The following ZNF596 variants were observed in gnomAD, a reference collection of about 807,000 sequenced individuals.
The protein encoded by ZNF596 is zinc finger protein 596.
A neutral mutation model predicts 48.3 loss-of-function variants in ZNF596; 45 were observed. The ratio of observed to expected loss-of-function variants is 0.93; its 90% CI spans 0.73 to 1.19. The LOEUF is 1.19. ZNF596 is among the 50% of genes most tolerant of loss of function. The pLI, the probability that ZNF596 is intolerant of heterozygous loss-of-function variation, is 0.00. For synonymous variants in ZNF596, 270 were observed against 202.0 expected (o/e 1.34, Z -2.85); for missense variants, 848 against 599.7 (o/e 1.41, Z -4.32).
intron 3 of ZNF596, chr8:243,492 T>C (rs1796935674): frequency 4.6e-6 from 2 of 430,792 alleles, no homozygotes; most frequent in Admixed American, 4.0e-5. Context: ...GAAATCAGTA[T>C]TTGAAGTGAG....
At chr8:242,157 G>T (rs1261526775) in intron 2 of ZNF596, among the ~76,000 whole-genome samples, 2 of 152,312 alleles carry the variant, frequency 1.3e-5, no homozygotes, top group East Asian at 3.9e-4. Context: ...ACCATGGAAA[G>T]TGGCAGGATG....
intron 1 of ZNF596, among the ~76,000 whole-genome samples, chr8:238,974 G>C (rs1336371281): frequency 6.6e-6 from 1 of 151,916 alleles, no homozygotes; most frequent in Non-Finnish European, 1.5e-5. Context: ...CATAATAAAA[G>C]AATCAAATAT....
Position 246,308 on chromosome 8 carries a change from T to G in ZNF596, c.1461T>G (p.Phe487Leu), listed in dbSNP as rs1219745856. The change falls in exon 6 of 6, where the codon TTT (phenylalanine) becomes TTG (leucine). Residue 487 changes from phenylalanine to leucine, a missense_variant. Phe to Leu is a conservative substitution (Grantham distance 22). Coordinates refer to ENST00000398612, the MANE Select transcript of ZNF596 (RefSeq NM_001042416.3). The part of the protein sequence containing the change: ...CPLCGKAFSK[F>L]FNLRQHERTH... ...TATGTGGGAAAGCCTTTAGTAAATTTTTTAACCTTAGACAACATGAGAGAA... is the reference window on the plus strand; with the variant it reads ...TATGTGGGAAAGCCTTTAGTAAATTGTTTAACCTTAGACAACATGAGAGAA... 6.2e-7 allele frequency: 1 copy of G among 1,606,352 alleles called. No individual in the cohort carries two copies. The highest frequency in any genetic ancestry group is 1.3e-5 in the African/African-American group (1 of 74,314).
chr8:246,606 C>T lies in ZNF596; in HGVS notation c.*244C>T, dbSNP rs2117125282. The T allele has an allele frequency of 7.6e-6, 3 of 393,398 alleles. No homozygotes were observed. The East Asian group carries it at 1.3e-4, about 16-fold the overall frequency. The allele number at this position is 393,398 out of a possible 1,614,324, so 24.4% of individuals were successfully genotyped here. A position where few individuals can be genotyped will look rare whatever the true frequency, so the allele number is the denominator to read the frequency against. ...GATCAAAGGAATGTGGAGGAGTCTT[C>T]ATCCACAGCTCTGTTAAATAAATGG... On this transcript the variant is annotated 3_prime_UTR_variant, in exon 6 of 6. Coordinates refer to ENST00000398612, the MANE Select transcript of ZNF596 (RefSeq NM_001042416.3).
intron 1 of ZNF596, among the ~76,000 whole-genome samples, chr8:235,715 A>T (rs1247443929): frequency 5.9e-5 from 9 of 152,180 alleles, no homozygotes; most frequent in Admixed American, 5.9e-4. Flanking sequence ...TGAAACCAAA[A>T]TCCTTCCTTC....
intron 5 of ZNF596, 106 bp from the exon 6 acceptor site, chr8:245,048 C>CT: frequency 7.5e-7 from 1 of 1,324,508 alleles, no homozygotes; most frequent in African/African-American, 1.5e-5. Flanking sequence ...TAACTGGAGT[C>CT]TACCACTGAA....
At chr8:244,371 T>C (rs746434363) in intron 4 of ZNF596, 9 of 499,574 alleles carry the variant, frequency 1.8e-5, no homozygotes, top group Non-Finnish European at 3.2e-5. Flanking sequence ...TATTACATAC[T>C]AGCCCTTTAT....
Position 246,344 on chromosome 8 carries a change from A to G in ZNF596, c.1497A>G (p.Lys499=). The G allele has an allele frequency of 6.3e-6, 10 of 1,587,362 alleles. No individual in the cohort carries two copies. The highest frequency in any genetic ancestry group is 8.5e-6 in the Non-Finnish European group (10 of 1,170,674). Residue 499 remains lysine (K), a synonymous_variant, in exon 6 of 6, where the codon AAA becomes AAG. Coordinates refer to ENST00000398612, the MANE Select transcript of ZNF596 (RefSeq NM_001042416.3). ...NLRQHERTHT[K]KAMNM ...GACAACATGAGAGAACTCACACTAAAAAAGCAATGAATATGTAAGAATCAT... is the reference window on the plus strand; with the variant it reads ...GACAACATGAGAGAACTCACACTAAGAAAGCAATGAATATGTAAGAATCAT...
intron 1 of ZNF596, 81 bp from the exon 2 acceptor site, chr8:240,743 G>C: frequency 1.1e-6 from 1 of 884,192 alleles, no homozygotes; most frequent in Non-Finnish European, 1.8e-6. Flanking sequence ...GGTTGGACTG[G>C]GGCTAATAGC....
chr8:241,051 C>T, intron 2 of ZNF596, 144 bp downstream of exon 2: 1 of 1,034,774 alleles, frequency 9.7e-7, no homozygotes, highest in African/African-American at 1.6e-5. Flanking sequence ...GGAATGTTTA[C>T]ATTGGCTCAA....
intron 2 of ZNF596, among the ~76,000 whole-genome samples, chr8:241,153 TTC>T (rs1796839174): frequency 6.6e-6 from 1 of 152,210 alleles, no homozygotes; most frequent in Non-Finnish European, 1.5e-5. Context: ...AGGTTTTTGT[TTC>T]TCTCATCCAG....
rs571197921 is a variant in ZNF596 at position 238,037 on chromosome 8, CTT to C, written c.-72-2786_-72-2785del. Reference sequence around the variant, plus strand: ...AGCCATTGCTGGCCTCCTTGGAGGACTTAGAGAATCCTGAGATTGCCCATGAG... The same window carrying C: ...AGCCATTGCTGGCCTCCTTGGAGGACAGAGAATCCTGAGATTGCCCATGAG... On this transcript the variant is annotated intron_variant, in intron 1 of 5. Transcript: ENST00000398612. Among the ~76,000 whole-genome samples the C allele has an allele frequency of 5.3e-5, 8 of 152,312 alleles. No individual in the cohort carries two copies. The South Asian group carries it at 1.7e-3, about 32-fold the overall frequency.
chr8:235,437 G>A lies in ZNF596; in HGVS notation c.-73+2743G>A, dbSNP rs2117064577. 1.3e-5 allele frequency among the ~76,000 whole-genome samples: 2 copies of A among 151,596 alleles called. 1 individual carries two copies. The highest frequency in any genetic ancestry group is 3.9e-4 in the East Asian group (2 of 5,166). ...TAGATACTCTTATGTACCACATAAA[G>A]TTCATCTACTACTTTAACCAGAACT... is the stretch of plus-strand genomic sequence containing the variant. On this transcript the variant is annotated intron_variant, in intron 1 of 5. Coordinates refer to ENST00000398612, the MANE Select transcript of ZNF596 (RefSeq NM_001042416.3).
At chr8:240,774 C>T in intron 1 of ZNF596, 50 bp from the exon 2 acceptor site, 2 of 1,274,620 alleles carry the variant, frequency 1.6e-6, no homozygotes, top group Non-Finnish European at 1.1e-6. Context: ...ATGTTAGAAG[C>T]AAAACTGGAG....
At chr8:243,531 T>C in intron 3 of ZNF596, 191 bp from the exon 4 acceptor site, 1 of 467,828 alleles carries the variant, frequency 2.1e-6, no homozygotes, top group Non-Finnish European at 3.8e-6. Flanking sequence ...ATAGGTCTTT[T>C]ATGTCTGGGA....
chr8:236,122 G>A (rs1020543154), intron 1 of ZNF596, among the ~76,000 whole-genome samples: 1 of 152,076 alleles, frequency 6.6e-6, no homozygotes. Context: ...TCCTCATTAA[G>A]TTTTAAAATT....
chr8:240,703 C>A, intron 1 of ZNF596, 121 bp from the exon 2 acceptor site: 2 of 630,544 alleles, frequency 3.2e-6, no homozygotes, highest in Non-Finnish European at 5.7e-6. Flanking sequence ...ACCAACCCAA[C>A]CCACCCCCTA....
chr8:246,226 AC>A lies in ZNF596; in HGVS notation c.1380del (p.Tyr460Ter). ...NICGKAFNRS[Y>X]NFRLHRRVHT... ...TGTGGTAAAGCCTTCAATAGAAGTTACAACTTTAGACTTCATAGAAGAGTTC... is the reference window on the plus strand; with the variant it reads ...TGTGGTAAAGCCTTCAATAGAAGTTAAACTTTAGACTTCATAGAAGAGTTC... On this transcript the variant is annotated frameshift_variant, in exon 6 of 6. Transcript: ENST00000398612. LOFTEE classifies it high-confidence loss of function. 1.9e-6 allele frequency: 3 copies of A among 1,613,844 alleles called. No individual in the cohort carries two copies. The highest frequency in any genetic ancestry group is 2.5e-6 in the Non-Finnish European group (3 of 1,179,922).
At position 245,741 on chromosome 8, in the gene ZNF596, G is replaced by C. The variant is rs1797047794; in HGVS notation, c.894G>C (p.Glu298Asp). The C allele has an allele frequency of 5.0e-6, 8 of 1,614,118 alleles. No individual in the cohort carries two copies. Among genetic ancestry groups the C allele is most frequent in the Non-Finnish European group, 6.8e-6 (8 of 1,180,018 alleles). Reference sequence around the variant, plus strand: ...ATTGCTCTGACCTTAGAAAACATGAGAGAACTCACTTAGGAGATAAACCAT... The same window carrying C: ...ATTGCTCTGACCTTAGAAAACATGACAGAACTCACTTAGGAGATAAACCAT... ...FTHCSDLRKHERTHLGDKPYG... is the reference protein window; with the variant it reads ...FTHCSDLRKHDRTHLGDKPYG... Residue 298 changes from glutamate (E) to aspartate (D), a missense_variant, in exon 6 of 6, where the codon GAG (glutamate) becomes GAC (aspartate). Coordinates refer to ENST00000398612, the MANE Select transcript of ZNF596 (RefSeq NM_001042416.3).
Sources: allele counts gnomAD v4.1 joint callset (sites outside exome capture counted in the v4.1 genomes callset), GRCh38; gene constraint gnomAD v4.1.1; transcripts MANE v1.5; gene names NCBI Gene and HGNC (gene_info 2026-07-23, HGNC 2026-07-21).